Variants in DCN observed in about 807,000 individuals in gnomAD.
DCN encodes the protein bone proteoglycan II.
DCN carries 17 observed loss-of-function variants against 36.5 expected under a neutral mutation model. The ratio of observed to expected loss-of-function variants is 0.47; its 90% CI spans 0.32 to 0.70. The LOEUF (loss-of-function observed/expected upper bound fraction) is 0.70, where lower values mean the gene tolerates loss of function less well. DCN is among the 30% of genes least tolerant of loss of function. The pLI is 0.04. For synonymous variants in DCN, 163 were observed against 161.4 expected (o/e 1.01, Z -0.07); for missense variants, 389 against 430.1 (o/e 0.90, Z 0.84).
chr12:91,173,581 A>G (rs1384752346), intron 2 of DCN, among the ~76,000 whole-genome samples: 4 of 152,190 alleles, frequency 2.6e-5, no homozygotes, highest in Non-Finnish European at 4.4e-5. Flanking sequence ...TACTCTGTGC[A>G]CAGCCTCCTT....
rs996382002 is a variant in DCN at position 91,155,803 on chromosome 12, T to C, written c.652+1272A>G. Among the ~76,000 whole-genome samples, 3 of 152,332 alleles carry C rather than the reference T, an allele frequency of 2.0e-5. No homozygotes were observed. The East Asian group carries it at 5.8e-4, about 29-fold the overall frequency. On this transcript the variant is annotated intron_variant, in intron 5 of 7. Coordinates refer to ENST00000052754, the MANE Select transcript of DCN (RefSeq NM_001920.5). ...AATCAGTCTTTATCATCTATGTATC[T>C]ATCTATGCCAGTAGTTGCTACTAAG...
intron 1 of DCN, chr12:91,180,535 A>G (rs1244451778): frequency 3.9e-5 from 6 of 152,152 alleles, no homozygotes; most frequent in Non-Finnish European, 7.4e-5. Flanking sequence ...TTCTTAGTTT[A>G]TATTTACTAC....
In DCN at chr12:91,178,485, C is replaced by G. The variant is rs1883435533; in HGVS notation, c.68G>C (p.Gly23Ala). Residue 23 changes from glycine (G) to alanine (A), a missense_variant, in exon 2 of 8, where the codon GGC (glycine) becomes GCC (alanine). Coordinates refer to ENST00000052754, the MANE Select transcript of DCN (RefSeq NM_001920.5). ...ATCTTCTAGCATAAAGTCAAATAAG[C>G]CTCTCTGTTGAAACGGTCCAGCCCA... ...VSWAGPFQQRGLFDFMLEDEA... is the reference protein window; with the variant it reads ...VSWAGPFQQRALFDFMLEDEA... 6.2e-7 allele frequency: 1 copy of G among 1,613,584 alleles called. No individual in the cohort carries two copies. The highest frequency in any genetic ancestry group is 8.5e-7 in the Non-Finnish European group (1 of 1,179,942).
Position 91,158,518 on chromosome 12 carries a change from A to G in DCN, c.325-9T>C. 1 of 1,427,238 alleles carries G rather than the reference A, an allele frequency of 7.0e-7. No homozygotes were observed. The highest frequency in any genetic ancestry group is 9.9e-7 in the Non-Finnish European group (1 of 1,009,728). 88.4% of individuals were successfully genotyped at this position (1,427,238 alleles called of 1,614,324 possible). On this transcript the variant is annotated splice_polypyrimidine_tract_variant and intron_variant, in intron 3 of 7. Transcript: ENST00000052754. ...TTGACAAGAATCAATGCCTGTAGAT[A>G]GTGAAGAAAAACATCTCTTTAAATC...
At chr12:91,157,633 A>AT (rs34946830) in intron 4 of DCN, among the ~76,000 whole-genome samples, 5,884 of 147,012 alleles carry the variant, frequency 0.04, 247 homozygotes, top group East Asian at 0.25. Flanking sequence ...GTTTAGAGAA[A>AT]TTTTTTTTTT....
chr12:91,164,806 T>C (rs1882439397), intron 2 of DCN, 89 bp from the exon 3 acceptor site: 5 of 754,112 alleles, frequency 6.6e-6, no homozygotes, highest in Non-Finnish European at 1.2e-5. Context: ...GAAATTAATG[T>C]TATGATGATC....
At position 91,145,711 on chromosome 12, in the gene DCN, G is replaced by T. The variant is rs1196272077; in HGVS notation, c.*347C>A. On this transcript the variant is annotated 3_prime_UTR_variant, in exon 8 of 8. Coordinates refer to ENST00000052754, the MANE Select transcript of DCN (RefSeq NM_001920.5). ...GCTAACTGCTCAATGAATTACAGAA[G>T]ACTCATACTCTTTTTATTTTTTCCT... The T allele has an allele frequency of 2.5e-6, 1 of 398,622 alleles. No homozygotes were observed. The highest frequency in any genetic ancestry group is 7.0e-5 in the East Asian group (1 of 14,222). The allele number at this position is 398,622 out of a possible 1,614,324, so 24.7% of individuals were successfully genotyped here. A position where few individuals can be genotyped will look rare whatever the true frequency, so the allele number is the denominator to read the frequency against.
At chr12:91,167,827 T>A (rs1196011439) in intron 2 of DCN, among the ~76,000 whole-genome samples, 3 of 152,190 alleles carry the variant, frequency 2.0e-5, no homozygotes, top group Non-Finnish European at 2.9e-5. Flanking sequence ...CTATGTTTTT[T>A]GTTTTTGTTT....
Position 91,142,842 on chromosome 12 carries a change from A to G in DCN, c.*3216T>C, listed in dbSNP as rs931182528. On this transcript the variant is annotated 3_prime_UTR_variant, in exon 8 of 8. Transcript: ENST00000052754. Reference sequence around the variant, plus strand: ...AACAACAGTTTTAATGAAAACAAAAAAATTAAACATTTAATAAGGAAAAAA... The same window carrying G: ...AACAACAGTTTTAATGAAAACAAAAGAATTAAACATTTAATAAGGAAAAAA... 4 of 152,326 alleles carry G rather than the reference A, an allele frequency of 2.6e-5. No individual in the cohort carries two copies. Among genetic ancestry groups the G allele is most frequent in the African/African-American group, 9.6e-5 (4 of 41,586 alleles). The allele number at this position is 152,326 out of a possible 1,614,324, so 9.4% of individuals were successfully genotyped here.
chr12:91,164,548 T>G, intron 3 of DCN, 57 bp downstream of exon 3: 1 of 973,510 alleles, frequency 1.0e-6, no homozygotes, highest in Middle Eastern at 2.1e-4. Flanking sequence ...CTAGGTAGTG[T>G]TTTGAAAAAT....
At chr12:91,151,036 T>C (rs923282958) in intron 7 of DCN, 2 of 153,098 alleles carry the variant, frequency 1.3e-5, no homozygotes, top group African/African-American at 4.8e-5. Flanking sequence ...AAATGGAAGT[T>C]GAATGCTGAG....
At position 91,143,827 on chromosome 12, in the gene DCN, AATAT is replaced by A. The variant is rs745607458; in HGVS notation, c.*2227_*2230del. 9 of 147,710 alleles carry A rather than the reference AATAT, an allele frequency of 6.1e-5. No individual in the cohort carries two copies. The highest frequency in any genetic ancestry group is 1.2e-4 in the Non-Finnish European group (8 of 67,128). The allele number at this position is 147,710 out of a possible 1,614,324, so 9.1% of individuals were successfully genotyped here. A position where few individuals can be genotyped will look rare whatever the true frequency, so the allele number is the denominator to read the frequency against. On this transcript the variant is annotated 3_prime_UTR_variant, in exon 8 of 8. Transcript: ENST00000052754. ...ATATATGCAAAAAGATATATATATA[AATAT>A]ATATATATAAAGATATATATGTGTG...
At position 91,157,192 on chromosome 12, in the gene DCN, C is replaced by A; in HGVS notation, c.539-4G>T. On this transcript the variant is annotated splice_region_variant and splice_polypyrimidine_tract_variant and intron_variant, in intron 4 of 7. Coordinates refer to ENST00000052754, the MANE Select transcript of DCN (RefSeq NM_001920.5). ...TTCAGCGGATTGGTGCCCAGTTCTA[C>A]AAATGTAATAAGTGCAAGGCTTTTA... 6.2e-7 allele frequency: 1 copy of A among 1,604,272 alleles called. No individual in the cohort carries two copies. The highest frequency in any genetic ancestry group is 8.5e-7 in the Non-Finnish European group (1 of 1,171,120).
intron 3 of DCN, among the ~76,000 whole-genome samples, chr12:91,159,637 AT>A (rs1458954733): frequency 6.6e-6 from 1 of 151,862 alleles, no homozygotes; most frequent in African/African-American, 2.4e-5. Context: ...AAATACGTTA[AT>A]ATTTTGGGTA....
At chr12:91,165,434 T>A (rs1277683044) in intron 2 of DCN, among the ~76,000 whole-genome samples, 1 of 152,162 alleles carries the variant, frequency 6.6e-6, no homozygotes. Flanking sequence ...AGTGTATTAT[T>A]GTTTTTAGTT....
At chr12:91,164,476 A>G (rs1266128892) in intron 3 of DCN, 129 bp downstream of exon 3, 2 of 467,662 alleles carry the variant, frequency 4.3e-6, no homozygotes, top group Non-Finnish European at 7.6e-6. Context: ...AAAAAAAAAA[A>G]AAGGTGAAGT....
At chr12:91,157,014 T>C in intron 5 of DCN, 61 bp downstream of exon 5, 1 of 1,242,302 alleles carries the variant, frequency 8.0e-7, no homozygotes, top group Admixed American at 1.8e-5. Context: ...AAGATTTTTT[T>C]TTTTTAATTA....
intron 2 of DCN, chr12:91,176,237 C>T (rs1335414187): frequency 6.6e-6 from 1 of 151,998 alleles, no homozygotes; most frequent in Admixed American, 6.6e-5. Flanking sequence ...GAGACCACTG[C>T]TCATTGGAAC....
At chr12:91,157,568 G>C (rs1462238135) in intron 4 of DCN, among the ~76,000 whole-genome samples, 1 of 151,930 alleles carries the variant, frequency 6.6e-6, no homozygotes, top group Non-Finnish European at 1.5e-5. Context: ...TTTTGTTAAA[G>C]AATTTCAATC....
Sources: allele counts gnomAD v4.1 joint callset (sites outside exome capture counted in the v4.1 genomes callset), GRCh38; gene constraint gnomAD v4.1.1; transcripts MANE v1.5; gene names NCBI Gene and HGNC (gene_info 2026-07-23, HGNC 2026-07-21).